Variants in INPP5A observed in about 807,000 individuals in gnomAD.
INPP5A encodes the protein 43 kDa inositol polyphosphate 5-phophatase.
A neutral mutation model predicts 65.2 loss-of-function variants in INPP5A; 14 were observed. The observed-to-expected ratio is 0.21, with a 90% confidence interval of 0.14 to 0.34. The LOEUF is 0.34. Among genes scored for constraint, INPP5A ranks in the 10% least tolerant of loss-of-function variants. The pLI, the probability that INPP5A is intolerant of heterozygous loss-of-function variation, is 1.00. For synonymous variants in INPP5A, 207 were observed against 208.3 expected (o/e 0.99, Z 0.05); for missense variants, 431 against 545.6 (o/e 0.79, Z 2.09).
chr10:132,564,879 G>C (rs899619752), intron 1 of INPP5A, among the ~76,000 whole-genome samples: 1 of 152,048 alleles, frequency 6.6e-6, no homozygotes, highest in African/African-American at 2.4e-5. Context: ...CCGTATGCCT[G>C]GGCCTGTGCT....
chr10:132,606,256 G>A (rs1019843435), intron 1 of INPP5A, among the ~76,000 whole-genome samples: 1 of 152,078 alleles, frequency 6.6e-6, no homozygotes, highest in Non-Finnish European at 1.5e-5. Flanking sequence ...AGCGGCGTGG[G>A]TCAGTCGCCT....
At chr10:132,591,481 A>G (rs143393261) in intron 1 of INPP5A, among the ~76,000 whole-genome samples, 264 of 152,280 alleles carry the variant, frequency 1.7e-3, no homozygotes, top group Middle Eastern at 3.4e-3. Context: ...CTTTTCATGG[A>G]CTCAAAGCTT....
At position 132,562,481 on chromosome 10, in the gene INPP5A, G is replaced by A. The variant is rs574399637; in HGVS notation, c.75+24310G>A. Reference sequence around the variant, plus strand: ...AGGAGTGTGCACCCAGCAGCTCGTCGGGTCACAGCGAGGTGCAGCCTCGGC... The same window carrying A: ...AGGAGTGTGCACCCAGCAGCTCGTCAGGTCACAGCGAGGTGCAGCCTCGGC... On this transcript the variant is annotated intron_variant, in intron 1 of 15. Coordinates refer to ENST00000368594, the MANE Select transcript of INPP5A (RefSeq NM_005539.5). 1.1e-4 allele frequency among the ~76,000 whole-genome samples: 17 copies of A among 152,326 alleles called. No homozygotes were observed. In the South Asian group the frequency reaches 3.3e-3, roughly 30 times the overall value.
intron 11 of INPP5A, among the ~76,000 whole-genome samples, chr10:132,764,510 T>C (rs2134671449): frequency 8.0e-6 from 1 of 125,216 alleles, no homozygotes; most frequent in East Asian, 2.4e-4. Context: ...GTGTGTGTGG[T>C]GACACTCAGG....
intron 2 of INPP5A, among the ~76,000 whole-genome samples, chr10:132,638,637 G>A (rs985406934): frequency 2.0e-5 from 3 of 152,148 alleles, no homozygotes; most frequent in Non-Finnish European, 4.4e-5. Context: ...GCACAATCTC[G>A]GAGCACTGCA....
At chr10:132,683,988 T>A (rs1384191631) in intron 4 of INPP5A, among the ~76,000 whole-genome samples, 1 of 152,232 alleles carries the variant, frequency 6.6e-6, no homozygotes, top group Non-Finnish European at 1.5e-5. Flanking sequence ...GTGTTAAGAT[T>A]ATAGGTGTGA....
At chr10:132,611,238 G>A in intron 2 of INPP5A, among the ~76,000 whole-genome samples, 1 of 145,050 alleles carries the variant, frequency 6.9e-6, no homozygotes, top group Non-Finnish European at 1.5e-5. Flanking sequence ...GAGGATGAGG[G>A]AGGTGAGGTG....
chr10:132,672,232 C>T (rs1206978950), intron 4 of INPP5A, among the ~76,000 whole-genome samples: 2 of 152,190 alleles, frequency 1.3e-5, no homozygotes, highest in African/African-American at 4.8e-5. Context: ...GATTTATTCA[C>T]TTCATATCAG....
At chr10:132,667,948 C>G (rs150352507) in intron 4 of INPP5A, among the ~76,000 whole-genome samples, 49 of 152,328 alleles carry the variant, frequency 3.2e-4, no homozygotes, top group African/African-American at 1.2e-3. Flanking sequence ...ATTCATCCGC[C>G]TCACCAACAT....
At chr10:132,709,463 C>G (rs932911047) in intron 7 of INPP5A, among the ~76,000 whole-genome samples, 1 of 151,906 alleles carries the variant, frequency 6.6e-6, no homozygotes, top group Admixed American at 6.5e-5. Context: ...GAGAAGGAGC[C>G]GCGGTCCCGT....
chr10:132,544,428 T>C (rs1217721460), intron 1 of INPP5A, among the ~76,000 whole-genome samples: 1 of 151,676 alleles, frequency 6.6e-6, no homozygotes, highest in Non-Finnish European at 1.5e-5. Context: ...TGGCTGGAGG[T>C]GTCTCAGCAG....
intron 8 of INPP5A, among the ~76,000 whole-genome samples, chr10:132,716,936 G>A (rs890863882): frequency 2.0e-5 from 3 of 152,216 alleles, no homozygotes; most frequent in South Asian, 2.1e-4. Context: ...TGGACTCATC[G>A]AAGGGAGTGT....
At chr10:132,593,310 G>A (rs542565792) in intron 1 of INPP5A, among the ~76,000 whole-genome samples, 3 of 152,328 alleles carry the variant, frequency 2.0e-5, no homozygotes, top group South Asian at 2.1e-4. Context: ...ATGCCGGGGC[G>A]TGGGGAGCCC....
In INPP5A at chr10:132,707,115, G is replaced by A. The variant is rs183508029; in HGVS notation, c.475-1198G>A. ...TGGACCCTTTCTTCACGGGTGTTTC[G>A]TCCACAGTTAACTCCAGATTCCCAT... On this transcript the variant is annotated intron_variant, in intron 6 of 15. Coordinates refer to ENST00000368594, the MANE Select transcript of INPP5A (RefSeq NM_005539.5). The surrounding 1 kb of genome is among the most constrained non-coding windows in gnomAD (Gnocchi z 5.5). Among the ~76,000 whole-genome samples the A allele has an allele frequency of 7.6e-4, 116 of 152,288 alleles. No homozygotes were observed. The highest frequency in any genetic ancestry group is 2.5e-3 in the African/African-American group (105 of 41,558).
intron 8 of INPP5A, among the ~76,000 whole-genome samples, chr10:132,722,713 C>T (rs1249372287): frequency 6.6e-6 from 1 of 152,224 alleles, no homozygotes; most frequent in African/African-American, 2.4e-5. Context: ...GGCAGCCCCT[C>T]CTCCCAGTGC....
chr10:132,695,027 A>G (rs769508052), intron 5 of INPP5A, among the ~76,000 whole-genome samples: 1 of 152,230 alleles, frequency 6.6e-6, no homozygotes, highest in Non-Finnish European at 1.5e-5. Flanking sequence ...AACGTCCTAA[A>G]TCATTCTATG....
At chr10:132,655,365 G>A (rs889979786) in intron 4 of INPP5A, among the ~76,000 whole-genome samples, 1 of 152,264 alleles carries the variant, frequency 6.6e-6, no homozygotes, top group African/African-American at 2.4e-5. Context: ...CTTAGCCACC[G>A]CGGTGCATCC....
At chr10:132,655,326 C>T (rs748016369) in intron 4 of INPP5A, among the ~76,000 whole-genome samples, 2 of 152,166 alleles carry the variant, frequency 1.3e-5, no homozygotes, top group East Asian at 1.9e-4. Flanking sequence ...GTGGAGGTCT[C>T]GGTACCACGT....
At chr10:132,680,849 G>A (rs1293746344) in intron 4 of INPP5A, among the ~76,000 whole-genome samples, 3 of 152,256 alleles carry the variant, frequency 2.0e-5, no homozygotes, top group Non-Finnish European at 2.9e-5. Context: ...ACCCACCGGC[G>A]CTGCACTCAA....
Sources: allele counts gnomAD v4.1 joint callset (sites outside exome capture counted in the v4.1 genomes callset), GRCh38; gene constraint gnomAD v4.1.1; non-coding constraint Gnocchi (gnomAD v3.1); transcripts MANE v1.5; gene names NCBI Gene and HGNC (gene_info 2026-07-23, HGNC 2026-07-21).